TRDN: variants seen among roughly 807,000 people sequenced by gnomAD.
TRDN encodes triadin in skeletal muscle.
A neutral mutation model predicts 149.7 loss-of-function variants in TRDN; 161 were observed. The observed-to-expected ratio is 1.08, with a 90% CI of 0.95 to 1.23. The LOEUF (loss-of-function observed/expected upper bound fraction) is 1.23. Among genes scored for constraint, TRDN ranks in the 50% most tolerant of loss-of-function variants. The probability of loss-of-function intolerance (pLI) is 0.00; values close to 1 mark genes in which losing one functional copy is unlikely to be tolerated. For synonymous variants in TRDN, 294 were observed against 250.5 expected, an observed-to-expected ratio of 1.17 and a Z score of -1.64; for missense variants, 896 against 823.5, an observed-to-expected ratio of 1.09 and a Z score of -1.08.
chr6:123,455,253 A>G (rs1776040493), intron 10 of TRDN, among the ~76,000 whole-genome samples: 1 of 152,192 alleles, frequency 6.6e-6, no homozygotes, highest in Non-Finnish European at 1.5e-5. Context: ...TTTAAAATGG[A>G]TAAGGTAGAT....
chr6:123,465,653 C>T (rs1415606709), intron 9 of TRDN, among the ~76,000 whole-genome samples: 2 of 147,364 alleles, frequency 1.4e-5, no homozygotes, highest in Non-Finnish European at 3.0e-5. Context: ...CCAAGTACTT[C>T]TTTATCCCAA....
In TRDN at chr6:123,582,348, G is replaced by A. The variant is rs574876143; in HGVS notation, c.23-11216C>T. ...GGAGTTATGGATTTCATGCGCGTCCGTGTGAAGAGACCACCAAACAGGCTT... is the reference window on the plus strand; with the variant it reads ...GGAGTTATGGATTTCATGCGCGTCCATGTGAAGAGACCACCAAACAGGCTT... On this transcript the variant is annotated intron_variant, in intron 1 of 40. Coordinates refer to ENST00000334268, the MANE Select transcript of TRDN (RefSeq NM_006073.4). 5.5e-4 allele frequency among the ~76,000 whole-genome samples: 83 copies of A among 152,088 alleles called. 1 individual carries two copies. Among genetic ancestry groups the A allele is most frequent in the Non-Finnish European group, 8.4e-4 (57 of 68,022 alleles).
chr6:123,393,175 C>T (rs764023336), intron 13 of TRDN, among the ~76,000 whole-genome samples: 1 of 151,882 alleles, frequency 6.6e-6, no homozygotes, highest in African/African-American at 2.4e-5. Context: ...TATTTTGTAG[C>T]CATATCTGGA....
chr6:123,478,542 C>T (rs1056758609), intron 9 of TRDN, among the ~76,000 whole-genome samples: 5 of 152,138 alleles, frequency 3.3e-5, no homozygotes, highest in Non-Finnish European at 7.4e-5. Context: ...ATGGTGAAGA[C>T]AGAAGATATA....
At chr6:123,355,706 T>C (rs1489075880) in intron 20 of TRDN, among the ~76,000 whole-genome samples, 1 of 151,752 alleles carries the variant, frequency 6.6e-6, no homozygotes, top group Non-Finnish European at 1.5e-5. Flanking sequence ...AATTAATAGA[T>C]CATTTTGAGA....
At chr6:123,285,115 C>T (rs1368161205) in intron 24 of TRDN, among the ~76,000 whole-genome samples, 1 of 151,764 alleles carries the variant, frequency 6.6e-6, no homozygotes, top group Non-Finnish European at 1.5e-5. Context: ...GACCACATTG[C>T]CCAAAGCAAT....
At chr6:123,343,942 A>G (rs1391774745) in intron 21 of TRDN, among the ~76,000 whole-genome samples, 1 of 151,958 alleles carries the variant, frequency 6.6e-6, no homozygotes, top group African/African-American at 2.4e-5. Flanking sequence ...TGGAACCCTC[A>G]TTAATCAAAT....
At chr6:123,228,525 C>T (rs1775473301) in intron 38 of TRDN, among the ~76,000 whole-genome samples, 1 of 151,816 alleles carries the variant, frequency 6.6e-6, no homozygotes, top group Non-Finnish European at 1.5e-5. Context: ...AGGGGACAAA[C>T]CCTTTATAAA....
At chr6:123,354,614 A>G (rs939854064) in intron 20 of TRDN, among the ~76,000 whole-genome samples, 2 of 152,022 alleles carry the variant, frequency 1.3e-5, no homozygotes, top group East Asian at 1.9e-4. Flanking sequence ...GTAGAAATAC[A>G]TATCTGAAGA....
At chr6:123,486,464 G>A (rs1049703143) in intron 9 of TRDN, among the ~76,000 whole-genome samples, 2 of 151,736 alleles carry the variant, frequency 1.3e-5, no homozygotes, top group Non-Finnish European at 2.9e-5. Flanking sequence ...TTGTATTCCC[G>A]TTGATCCTTC....
At chr6:123,273,220 C>T in intron 28 of TRDN, 117 bp downstream of exon 28, 2 of 873,410 alleles carry the variant, frequency 2.3e-6, no homozygotes, top group East Asian at 3.4e-5. Context: ...GTTTTCAAAA[C>T]ACAGGCTGTA....
intron 10 of TRDN, among the ~76,000 whole-genome samples, chr6:123,439,999 G>A (rs1034877825): frequency 9.2e-5 from 14 of 151,990 alleles, no homozygotes; most frequent in South Asian, 4.1e-4. Flanking sequence ...AAAGACTTCC[G>A]TTACCCAGAA....
chr6:123,517,863 C>T (rs1233517848), intron 5 of TRDN, among the ~76,000 whole-genome samples: 16 of 152,088 alleles, frequency 1.1e-4, no homozygotes, highest in Non-Finnish European at 2.1e-4. Flanking sequence ...AATTATATTT[C>T]AGCAATTCAA....
At chr6:123,464,628 TC>T (rs1225630701) in intron 10 of TRDN, 11 of 1,156,010 alleles carry the variant, frequency 9.5e-6, no homozygotes, top group Non-Finnish European at 1.2e-5. Flanking sequence ...CATAGCCTTA[TC>T]TATTTGTCCC....
chr6:123,531,315 T>C (rs146769658), intron 4 of TRDN, among the ~76,000 whole-genome samples: 23 of 152,158 alleles, frequency 1.5e-4, no homozygotes, highest in Non-Finnish European at 2.6e-4. Context: ...TGTTTTTTCT[T>C]AGAAAAATGC....
chr6:123,578,657 A>G (rs1337610871), intron 1 of TRDN, among the ~76,000 whole-genome samples: 2 of 152,054 alleles, frequency 1.3e-5, no homozygotes, highest in Admixed American at 1.3e-4. Context: ...TTGGTTTTAT[A>G]CATATTTTAA....
chr6:123,467,306 T>C (rs372608919), intron 9 of TRDN, among the ~76,000 whole-genome samples: 1 of 148,088 alleles, frequency 6.8e-6, no homozygotes, highest in Non-Finnish European at 1.5e-5. Context: ...AGGTGGAAGG[T>C]ATGTGGTAAA....
intron 10 of TRDN, among the ~76,000 whole-genome samples, chr6:123,456,199 C>G (rs1022203054): frequency 1.3e-5 from 2 of 152,036 alleles, no homozygotes; most frequent in Non-Finnish European, 2.9e-5. Context: ...TCAAATGAAG[C>G]CTTTCAATTT....
At chr6:123,439,317 T>C (rs1038064359) in intron 10 of TRDN, among the ~76,000 whole-genome samples, 1 of 152,208 alleles carries the variant, frequency 6.6e-6, no homozygotes, top group African/African-American at 2.4e-5. Flanking sequence ...GTTTATCTAG[T>C]GCCTAAAAGT....
Sources: gnomAD v4.1 joint callset for allele counts (sites outside exome capture counted in the v4.1 genomes callset) on GRCh38, gnomAD v4.1.1 for gene constraint, MANE v1.5 for transcripts, NCBI Gene and HGNC (gene_info 2026-07-23, HGNC 2026-07-21) for gene names.